The following CFAP69 variants were observed in gnomAD, a reference collection of about 807,000 sequenced individuals.
The protein encoded by CFAP69 is cilia and flagella associated protein 69, also known as cilia- and flagella-associated protein 69.
In CFAP69, 92 loss-of-function variants were observed where a neutral mutation model predicts 123.0. The ratio of observed to expected loss-of-function variants is 0.75; its 90% CI spans 0.63 to 0.89. CFAP69 has a LOEUF of 0.89. CFAP69 is among the 40% of genes least tolerant of loss of function. The pLI is 0.00. For missense variants in CFAP69, 1,067 were observed against 1,096.9 expected (o/e 0.97, Z 0.39); for synonymous variants, 380 against 364.3 (o/e 1.04, Z -0.49).
At chr7:90,307,515 G>T (rs1793775705) in intron 20 of CFAP69, among the ~76,000 whole-genome samples, 1 of 151,958 alleles carries the variant, frequency 6.6e-6, no homozygotes, top group South Asian at 2.1e-4. Context: ...GTTATTTTGT[G>T]GTTTTCTCTT....
intron 5 of CFAP69, among the ~76,000 whole-genome samples, chr7:90,267,654 C>T (rs1799341877): frequency 1.3e-5 from 2 of 152,266 alleles, no homozygotes; most frequent in South Asian, 2.1e-4. Context: ...GGGGCAGCTG[C>T]TTAAAAACTC....
intron 18 of CFAP69, chr7:90,304,383 A>C: frequency 8.2e-7 from 1 of 1,218,872 alleles, no homozygotes; most frequent in Non-Finnish European, 1.0e-6. Context: ...TAAGCTTAAA[A>C]TACTGACATT....
In CFAP69 at chr7:90,245,420, C is replaced by A. The variant is rs551766161; in HGVS notation, c.-5C>A. On this transcript the variant is annotated 5_prime_UTR_variant, in exon 1 of 23. Coordinates refer to ENST00000389297, the MANE Select transcript of CFAP69 (RefSeq NM_001039706.3). Reference sequence around the variant, plus strand: ...CCCCCACTCTCCACCCCGCCGCCACCGGCCATGTGGACAGAGGAAGCCGGG... The same window carrying A: ...CCCCCACTCTCCACCCCGCCGCCACAGGCCATGTGGACAGAGGAAGCCGGG... 1.9e-6 allele frequency: 3 copies of A among 1,542,472 alleles called. No individual in the cohort carries two copies. Among genetic ancestry groups the A allele is most frequent in the Middle Eastern group, 1.8e-4 (1 of 5,580 alleles).
At chr7:90,265,528 G>A in intron 5 of CFAP69, 151 bp downstream of exon 5, 1 of 548,538 alleles carries the variant, frequency 1.8e-6, no homozygotes, top group Non-Finnish European at 3.3e-6. Context: ...AGTGTGCTTG[G>A]TGATAATTCT....
At chr7:90,268,445 T>C in intron 6 of CFAP69, 61 bp downstream of exon 6, 2 of 1,246,240 alleles carry the variant, frequency 1.6e-6, no homozygotes, top group South Asian at 1.3e-5. Context: ...AACATTCTCA[T>C]ATCTCTTTGA....
intron 14 of CFAP69, 74 bp downstream of exon 14, chr7:90,286,473 A>G (rs1584469594): frequency 2.8e-6 from 4 of 1,428,006 alleles, no homozygotes; most frequent in East Asian, 2.3e-5. Flanking sequence ...GGAAGTCTCT[A>G]TAATTGTATT....
chr7:90,298,631 G>A (rs750479561), intron 16 of CFAP69, among the ~76,000 whole-genome samples: 3 of 151,998 alleles, frequency 2.0e-5, no homozygotes, highest in Non-Finnish European at 2.9e-5. Flanking sequence ...CTCTCTTTTC[G>A]ATTTCTTTAC....
At chr7:90,264,139 A>T (rs188832043) in intron 4 of CFAP69, among the ~76,000 whole-genome samples, 2 of 131,262 alleles carry the variant, frequency 1.5e-5, no homozygotes, top group Admixed American at 8.0e-5. Context: ...ATATATATAT[A>T]TATATATATA....
chr7:90,285,400 C>T (rs569709917), intron 13 of CFAP69, among the ~76,000 whole-genome samples: 32 of 152,102 alleles, frequency 2.1e-4, no homozygotes, highest in Middle Eastern at 3.4e-3. Flanking sequence ...CCCCTTTAAC[C>T]GAGAAAAAGT....
At chr7:90,305,205 G>A (rs1475831086) in intron 19 of CFAP69, among the ~76,000 whole-genome samples, 1 of 151,740 alleles carries the variant, frequency 6.6e-6, no homozygotes, top group African/African-American at 2.4e-5. Context: ...GCTGGATGTG[G>A]TGGCGGGCGC....
At chr7:90,299,078 G>A (rs1792398062) in intron 16 of CFAP69, among the ~76,000 whole-genome samples, 1 of 152,036 alleles carries the variant, frequency 6.6e-6, no homozygotes, top group South Asian at 2.1e-4. Context: ...CCCTTTGCAG[G>A]TAATATTATT....
intron 8 of CFAP69, among the ~76,000 whole-genome samples, chr7:90,272,875 A>G (rs985445550): frequency 6.6e-6 from 1 of 152,132 alleles, no homozygotes; most frequent in African/African-American, 2.4e-5. Context: ...GAATGGTCTA[A>G]TATTGGTCAA....
intron 5 of CFAP69, 62 bp from the exon 6 acceptor site, chr7:90,268,224 T>C: frequency 1.2e-5 from 13 of 1,056,312 alleles, no homozygotes; most frequent in Non-Finnish European, 1.8e-5. Context: ...ATTTTATGCC[T>C]AAATTCTACA....
chr7:90,283,167 C>A, intron 13 of CFAP69, 111 bp downstream of exon 13: 1 of 780,172 alleles, frequency 1.3e-6, no homozygotes, highest in Admixed American at 4.1e-5. Context: ...TGAGAAATTC[C>A]TGAATATTTT....
intron 4 of CFAP69, among the ~76,000 whole-genome samples, chr7:90,262,869 T>C (rs1207247414): frequency 6.6e-6 from 1 of 152,078 alleles, no homozygotes; most frequent in African/African-American, 2.4e-5. Context: ...ACTAGCAATA[T>C]TTAATATGTA....
chr7:90,303,975 A>C lies in CFAP69; in HGVS notation c.2057A>C (p.Lys686Thr). 1 of 1,548,730 alleles carries C rather than the reference A, an allele frequency of 6.5e-7. No individual in the cohort carries two copies. The highest frequency in any genetic ancestry group is 8.7e-7 in the Non-Finnish European group (1 of 1,145,486). Residue 686 changes from lysine (K) to threonine (T), a missense_variant, in exon 18 of 23, where the codon AAA becomes ACA. By Grantham distance (78) the Lys-to-Thr change is moderately conservative. Transcript: ENST00000389297. ...CATGCTATCCAATGATTAGATACAA[A>C]AAAACCTCTATTTACTAGCTTTCAA... ...RDKNGKIIDT[K>T]KPLFTSFQEE...
intron 4 of CFAP69, 151 bp from the exon 5 acceptor site, chr7:90,265,150 G>T (rs1798974386): frequency 4.0e-6 from 2 of 503,790 alleles, no homozygotes; most frequent in Middle Eastern, 5.7e-4. Context: ...TATTACAACT[G>T]GTAGTTAATA....
chr7:90,270,082 G>A (rs1291321857), intron 6 of CFAP69: 1 of 152,196 alleles, frequency 6.6e-6, no homozygotes, highest in Non-Finnish European at 1.5e-5. Flanking sequence ...AGGAGTCAGT[G>A]CTCTCACTAT....
At chr7:90,290,244 G>A (rs1362600784) in intron 15 of CFAP69, among the ~76,000 whole-genome samples, 5 of 152,166 alleles carry the variant, frequency 3.3e-5, no homozygotes, top group African/African-American at 4.8e-5. Context: ...GTCAGCAAGT[G>A]GAATACCCAG....
Sources: gnomAD v4.1 joint callset for allele counts (sites outside exome capture counted in the v4.1 genomes callset) on GRCh38, gnomAD v4.1.1 for gene constraint, MANE v1.5 for transcripts, NCBI Gene and HGNC (gene_info 2026-07-23, HGNC 2026-07-21) for gene names.